Variants in ZNF532 observed in about 807,000 individuals in gnomAD.
The protein encoded by ZNF532 is zinc finger protein 532.
In ZNF532, 22 loss-of-function variants were observed where a neutral mutation model predicts 89.3. The observed-to-expected ratio is 0.25, with a 90% CI of 0.18 to 0.35. The LOEUF is 0.35. Ranked by LOEUF, ZNF532 falls within the 10% of genes least tolerant of loss-of-function variation. The pLI is 1.00. For missense variants in ZNF532, 1,132 were observed against 1,643.4 expected, an observed-to-expected ratio of 0.69 and a Z score of 5.38; for synonymous variants, 606 against 649.6, an observed-to-expected ratio of 0.93 and a Z score of 1.02.
chr18:58,943,495 G>A (rs556050643), intron 5 of ZNF532, among the ~76,000 whole-genome samples: 8 of 142,404 alleles, frequency 5.6e-5, no homozygotes, highest in South Asian at 2.3e-4. Flanking sequence ...ATGGAGTCTC[G>A]CTCTGTTGCC....
intron 2 of ZNF532, among the ~76,000 whole-genome samples, chr18:58,895,165 C>T (rs981834831): frequency 9.8e-5 from 15 of 152,308 alleles, no homozygotes; most frequent in African/African-American, 3.6e-4. Context: ...CAATTTTCTG[C>T]CAGGGTGCCA....
At chr18:58,896,212 T>C (rs1372253202) in intron 2 of ZNF532, among the ~76,000 whole-genome samples, 3 of 152,114 alleles carry the variant, frequency 2.0e-5, no homozygotes, top group Non-Finnish European at 4.4e-5. Context: ...TTTTTTGTTG[T>C]TGTTGTTTGT....
In ZNF532 at chr18:58,940,242, C is replaced by G. The variant is rs549796349; in HGVS notation, c.2705+621C>G. The G allele has an allele frequency of 9.2e-5, 14 of 152,208 alleles. No individual in the cohort carries two copies. In the South Asian group the frequency reaches 2.7e-3, roughly 29 times the overall value. 9.4% of individuals were successfully genotyped at this position (152,208 alleles called of 1,614,324 possible). On this transcript the variant is annotated intron_variant, in intron 5 of 9. Coordinates refer to ENST00000591808, the MANE Select transcript of ZNF532 (RefSeq NM_001375912.1). ...CTAGGAAAACTATTTTTTAGAAACC[C>G]TGTCATCTTTAAATTTTTCCATAGT...
At chr18:58,898,962 GTC>G (rs2059420350) in intron 2 of ZNF532, among the ~76,000 whole-genome samples, 1 of 152,268 alleles carries the variant, frequency 6.6e-6, no homozygotes, top group Non-Finnish European at 1.5e-5. Flanking sequence ...GAGAAGCATA[GTC>G]TCTGGCTTTC....
chr18:58,928,027 A>T (rs1229684530), intron 3 of ZNF532, among the ~76,000 whole-genome samples: 1 of 152,118 alleles, frequency 6.6e-6, no homozygotes, highest in African/African-American at 2.4e-5. Flanking sequence ...ACTTTTCTTG[A>T]TTTAGCTCAG....
chr18:58,970,991 C>T (rs963088878), intron 7 of ZNF532, among the ~76,000 whole-genome samples: 7 of 152,218 alleles, frequency 4.6e-5, no homozygotes, highest in Non-Finnish European at 7.4e-5. Flanking sequence ...TCAGAAACTA[C>T]GGTGCGACAC....
intron 5 of ZNF532, among the ~76,000 whole-genome samples, chr18:58,943,466 T>C (rs1300753888): frequency 1.3e-5 from 2 of 151,118 alleles, no homozygotes; most frequent in Non-Finnish European, 3.0e-5. Flanking sequence ...AGCCTTTTTT[T>C]TTTTTTCCTT....
chr18:58,888,912 T>A (rs71357620), intron 2 of ZNF532, among the ~76,000 whole-genome samples: 32 of 92,730 alleles, frequency 3.5e-4, no homozygotes, highest in East Asian at 2.5e-3. Flanking sequence ...TATATATATA[T>A]AATTCATACA....
chr18:58,881,358 A>G (rs1215882507), intron 2 of ZNF532, among the ~76,000 whole-genome samples: 3 of 149,324 alleles, frequency 2.0e-5, no homozygotes, highest in African/African-American at 7.4e-5. Context: ...CTGGTCTTGA[A>G]CTCCTGACCT....
chr18:58,976,955 T>A lies in ZNF532; in HGVS notation c.3151-2100T>A, dbSNP rs369275862. On this transcript the variant is annotated intron_variant, in intron 7 of 9. Transcript: ENST00000591808. ...GGCTCGTTACCTCTTAGTCACTCTT[T>A]TGCTGCATAAATGCTAATCCAAGAG... Among the ~76,000 whole-genome samples the A allele has an allele frequency of 1.4e-4, 22 of 152,172 alleles. No individual in the cohort carries two copies. The East Asian group carries it at 4.2e-3, about 29-fold the overall frequency.
intron 2 of ZNF532, among the ~76,000 whole-genome samples, chr18:58,899,844 T>A (rs1300490288): frequency 1.3e-5 from 2 of 152,232 alleles, no homozygotes. Flanking sequence ...TTCTATCGTC[T>A]GTCTTTATTT....
At chr18:58,942,369 T>C (rs183248497) in intron 5 of ZNF532, among the ~76,000 whole-genome samples, 3,019 of 92,860 alleles carry the variant, frequency 0.033, 136 homozygotes, top group East Asian at 0.21. Flanking sequence ...CTTCCTTCCT[T>C]CCTTCCTTCC....
chr18:58,973,991 G>T (rs1327371400), intron 7 of ZNF532, among the ~76,000 whole-genome samples: 1 of 152,104 alleles, frequency 6.6e-6, no homozygotes, highest in Non-Finnish European at 1.5e-5. Flanking sequence ...CGAGGGGGTG[G>T]GGTTGATTAT....
At chr18:58,977,964 TC>T (rs937791955) in intron 7 of ZNF532, among the ~76,000 whole-genome samples, 2 of 152,360 alleles carry the variant, frequency 1.3e-5, no homozygotes, top group Middle Eastern at 3.4e-3. Context: ...CAGATTTTGT[TC>T]CATTCATGAG....
intron 8 of ZNF532, chr18:58,980,012 TTGA>T (rs1243660919): frequency 6.6e-6 from 1 of 152,112 alleles, no homozygotes; most frequent in Non-Finnish European, 1.5e-5. Context: ...CTGGAGTGGG[TTGA>T]TAAGAAGAAA....
intron 7 of ZNF532, among the ~76,000 whole-genome samples, chr18:58,958,833 C>A (rs2065046544): frequency 6.6e-6 from 1 of 152,146 alleles, no homozygotes; most frequent in African/African-American, 2.4e-5. Flanking sequence ...TGATCTCATC[C>A]CAGCCGTGAG....
chr18:58,965,155 G>A (rs1196094826), intron 7 of ZNF532, among the ~76,000 whole-genome samples: 3 of 152,056 alleles, frequency 2.0e-5, no homozygotes, highest in Non-Finnish European at 4.4e-5. Flanking sequence ...TAAATGTGTT[G>A]TAAAAAGGAT....
At chr18:58,890,882 T>A (rs2058851633) in intron 2 of ZNF532, among the ~76,000 whole-genome samples, 1 of 151,644 alleles carries the variant, frequency 6.6e-6, no homozygotes, top group Admixed American at 6.6e-5. Flanking sequence ...GGGGCCTCTG[T>A]CATCCAGGCT....
intron 3 of ZNF532, among the ~76,000 whole-genome samples, chr18:58,928,214 C>T (rs1409710722): frequency 6.6e-5 from 10 of 152,172 alleles, no homozygotes; most frequent in Non-Finnish European, 1.2e-4. Flanking sequence ...GTTCCTCCCA[C>T]GCCTCTCACC....
Sources: allele counts gnomAD v4.1 joint callset (sites outside exome capture counted in the v4.1 genomes callset), GRCh38; gene constraint gnomAD v4.1.1; transcripts MANE v1.5; gene names NCBI Gene and HGNC (gene_info 2026-07-23, HGNC 2026-07-21).